The following DAPK2 variants were observed in gnomAD, a reference collection of about 807,000 sequenced individuals.
The protein encoded by DAPK2 is death associated protein kinase 2.
In DAPK2, 35 loss-of-function variants were observed where a neutral mutation model predicts 44.1. That is an observed-to-expected ratio of 0.79 (90% CI 0.61 to 1.05). The LOEUF is 1.05. Ranked by LOEUF, DAPK2 falls within the 50% of genes least tolerant of loss-of-function variation. The pLI is 0.00. For missense variants in DAPK2, 453 were observed against 483.2 expected (o/e 0.94, Z 0.59); for synonymous variants, 174 against 182.6 (o/e 0.95, Z 0.38).
At chr15:63,925,989 C>T in exon 7 of DAPK2, 2 of 1,614,202 alleles carry the variant, frequency 1.2e-6, no homozygotes, top group African/African-American at 2.7e-5. Context: ...GGCCAGCTCG[C>T]TCGTCTGGCT....
At chr15:63,996,574 C>T (rs750813936) in intron 1 of DAPK2, among the ~76,000 whole-genome samples, 1 of 152,182 alleles carries the variant, frequency 6.6e-6, no homozygotes, top group African/African-American at 2.4e-5. Flanking sequence ...TTCTATGTGC[C>T]TCTCATCATA....
At chr15:63,929,066 G>C (rs1032894327) in intron 6 of DAPK2, among the ~76,000 whole-genome samples, 1 of 152,148 alleles carries the variant, frequency 6.6e-6, no homozygotes, top group Non-Finnish European at 1.5e-5. Flanking sequence ...CAGGTGTGGT[G>C]GTGGGTGCCT....
chr15:63,993,627 T>C (rs991476659), intron 1 of DAPK2, among the ~76,000 whole-genome samples: 2 of 152,082 alleles, frequency 1.3e-5, no homozygotes, highest in East Asian at 1.9e-4. Context: ...ATGCCCAAGA[T>C]TGCTTGCCTC....
At chr15:64,010,485 C>T (rs993074115) in intron 1 of DAPK2, among the ~76,000 whole-genome samples, 10 of 152,266 alleles carry the variant, frequency 6.6e-5, no homozygotes, top group East Asian at 1.9e-4. Context: ...CATGGGGATC[C>T]GCATTCTTGG....
exon 7 of DAPK2, chr15:63,926,002 A>C (rs1381817567): frequency 6.2e-7 from 1 of 1,614,128 alleles, no homozygotes; most frequent in Non-Finnish European, 8.5e-7. Flanking sequence ...GTCTGGCTGA[A>C]GAATTCCTCA....
In DAPK2 at chr15:63,939,152, C is replaced by T. The variant is rs2077240263; in HGVS notation, c.583+80G>A. ...CATCTCTTTGCTCAGAGGCCATAGC[C>T]CCAGACACAGGTTTCTTCCCAGGAT... On this transcript the variant is annotated intron_variant, in intron 4 of 10. Coordinates refer to ENST00000261891, the Ensembl canonical transcript of DAPK2. The surrounding 1 kb of genome is among the most constrained non-coding windows in gnomAD (Gnocchi z 4.3). 6.3e-7 allele frequency: 1 copy of T among 1,586,306 alleles called. No homozygotes were observed. Among genetic ancestry groups the T allele is most frequent in the Non-Finnish European group, 8.6e-7 (1 of 1,166,594 alleles).
intron 3 of DAPK2, among the ~76,000 whole-genome samples, chr15:63,952,918 C>T (rs767625065): frequency 1.3e-5 from 2 of 151,886 alleles, no homozygotes; most frequent in African/African-American, 2.4e-5. Flanking sequence ...CATATTTGTA[C>T]CCATTAACCA....
At chr15:63,927,013 C>A (rs2079304746) in intron 6 of DAPK2, among the ~76,000 whole-genome samples, 2 of 152,170 alleles carry the variant, frequency 1.3e-5, no homozygotes, top group African/African-American at 4.8e-5. Context: ...GTGTTGCAAT[C>A]CTGGGTTTGA....
chr15:63,924,225 C>T (rs955467989), intron 8 of DAPK2, among the ~76,000 whole-genome samples: 3 of 152,140 alleles, frequency 2.0e-5, no homozygotes, highest in Non-Finnish European at 2.9e-5. Flanking sequence ...GCAGGAAGCC[C>T]GACTGCAAGG....
upstream of DAPK2, among the ~76,000 whole-genome samples, chr15:64,043,515 A>G (rs914344995): frequency 9.2e-5 from 14 of 152,196 alleles, no homozygotes; most frequent in Admixed American, 8.5e-4. Context: ...GACACAAAAG[A>G]CTGCATACTG....
At chr15:63,986,845 T>C (rs2078680523) in intron 1 of DAPK2, among the ~76,000 whole-genome samples, 1 of 112,354 alleles carries the variant, frequency 8.9e-6, no homozygotes, top group African/African-American at 3.1e-5. Flanking sequence ...GTAACTGACA[T>C]GCAGCCAGGG....
intron 1 of DAPK2, among the ~76,000 whole-genome samples, chr15:64,027,025 C>T (rs2079866938): frequency 2.0e-5 from 3 of 152,176 alleles, no homozygotes; most frequent in African/African-American, 7.2e-5. Flanking sequence ...AGGCAGATCA[C>T]TTGAGCCCAG....
chr15:63,978,572 G>T (rs1216700958), intron 2 of DAPK2, among the ~76,000 whole-genome samples: 1 of 152,258 alleles, frequency 6.6e-6, no homozygotes, highest in Non-Finnish European at 1.5e-5. Flanking sequence ...AACTCAGAAA[G>T]GTGGGAGGCT....
At chr15:63,993,165 T>C (rs2078862584) in intron 1 of DAPK2, among the ~76,000 whole-genome samples, 1 of 152,146 alleles carries the variant, frequency 6.6e-6, no homozygotes, top group Non-Finnish European at 1.5e-5. Flanking sequence ...CCCCCTGTGA[T>C]CTTTCCCATA....
rs760256945 is a variant in DAPK2, at chr15:63,939,379, GAA to G, written c.454-20_454-19del. On this transcript the variant is annotated intron_variant, in intron 3 of 10. Transcript: ENST00000261891. The surrounding 1 kb of genome is among the most constrained non-coding windows in gnomAD (Gnocchi z 4.3). ...TTTTCTGGCTGGACAACAAAAAGTAGAAAAAAAAAAAAGGAAGGAAGAAAAGA... is the reference window on the plus strand; with the variant it reads ...TTTTCTGGCTGGACAACAAAAAGTAGAAAAAAAAAAGGAAGGAAGAAAAGA... The G allele has an allele frequency of 2.0e-4, 199 of 986,400 alleles. No individual in the cohort carries two copies. Among genetic ancestry groups the G allele is most frequent in the South Asian group, 5.1e-4 (23 of 45,310 alleles). 61.1% of individuals were successfully genotyped at this position (986,400 alleles called of 1,614,324 possible). A position where few individuals can be genotyped will look rare whatever the true frequency, so the allele number is the denominator to read the frequency against.
At chr15:63,907,295 T>A (rs879859530) in exon 11 of DAPK2, 1 of 152,130 alleles carries the variant, frequency 6.6e-6, no homozygotes, top group Admixed American at 6.5e-5. Context: ...CATCTCCAAA[T>A]ACAGTGATAT....
In DAPK2 at chr15:63,908,401, C is replaced by T; in HGVS notation, c.*119G>A. On this transcript the variant is annotated 3_prime_UTR_variant, in exon 11 of 11. Transcript: ENST00000261891. The surrounding 1 kb of genome is among the most constrained non-coding windows in gnomAD (Gnocchi z 5.7). ...GCTCTTCTGAATTCCTTGGGCCCAT[C>T]TCTCTTGCAAAGTGCTCAGGACGCC... The T allele has an allele frequency of 3.9e-6, 2 of 508,162 alleles. No individual in the cohort carries two copies. Among genetic ancestry groups the T allele is most frequent in the South Asian group, 3.8e-5 (1 of 26,488 alleles). The allele number at this position is 508,162 out of a possible 1,614,324, so 31.5% of individuals were successfully genotyped here. A position where few individuals can be genotyped will look rare whatever the true frequency, so the allele number is the denominator to read the frequency against.
intron 1 of DAPK2, among the ~76,000 whole-genome samples, chr15:63,986,345 T>A (rs1021617207): frequency 6.6e-6 from 1 of 152,260 alleles, no homozygotes; most frequent in Admixed American, 6.5e-5. Flanking sequence ...AAGTGGTTCA[T>A]GTGAAGGCTG....
chr15:64,031,559 ATC>A, intron 1 of DAPK2, among the ~76,000 whole-genome samples: 1 of 152,196 alleles, frequency 6.6e-6, no homozygotes, highest in Non-Finnish European at 1.5e-5. Flanking sequence ...ACATATGTCA[ATC>A]GTTTTCACTT....
Sources: allele counts gnomAD v4.1 joint callset (sites outside exome capture counted in the v4.1 genomes callset), GRCh38; gene constraint gnomAD v4.1.1; non-coding constraint Gnocchi (gnomAD v3.1); transcripts MANE v1.5; gene names NCBI Gene and HGNC (gene_info 2026-07-23, HGNC 2026-07-21).